SHC3: variants seen among roughly 807,000 people sequenced by gnomAD.
SHC3 encodes the protein SHC-transforming protein 3.
In SHC3, 15 loss-of-function variants were observed where a neutral mutation model predicts 60.4. That is an observed-to-expected ratio of 0.25 (90% CI 0.17 to 0.38). The LOEUF is 0.38. Among genes scored for constraint, SHC3 ranks in the 10% least tolerant of loss-of-function variants. The probability of loss-of-function intolerance (pLI) is 1.00; values close to 1 mark genes in which losing one functional copy is unlikely to be tolerated. For missense variants in SHC3, 677 were observed against 786.1 expected (o/e 0.86, Z 1.66); for synonymous variants, 294 against 325.9 (o/e 0.90, Z 1.05).
intron 1 of SHC3, among the ~76,000 whole-genome samples, chr9:89,171,326 G>A (rs947084700): frequency 6.6e-6 from 1 of 152,076 alleles, no homozygotes; most frequent in African/African-American, 2.4e-5. Context: ...ACTATTGTCA[G>A]TAGATTGCCA....
At chr9:89,149,226 C>T (rs1826511854) in intron 1 of SHC3, among the ~76,000 whole-genome samples, 1 of 152,182 alleles carries the variant, frequency 6.6e-6, no homozygotes. Context: ...CACCAATTTA[C>T]ACATCCACTC....
At chr9:89,102,362 T>A (rs553835431) in intron 2 of SHC3, among the ~76,000 whole-genome samples, 2 of 152,158 alleles carry the variant, frequency 1.3e-5, no homozygotes, top group Non-Finnish European at 2.9e-5. Flanking sequence ...ATAAAACTTA[T>A]GAAAAAAACA....
intron 1 of SHC3, among the ~76,000 whole-genome samples, chr9:89,162,538 A>C (rs1826724083): frequency 6.6e-6 from 1 of 152,230 alleles, no homozygotes. Context: ...CTGGCTAGCC[A>C]TATGTAGAAA....
chr9:89,147,625 A>G lies in SHC3; in HGVS notation c.474+30362T>C, dbSNP rs527729937. On this transcript the variant is annotated intron_variant, in intron 1 of 11. Transcript: ENST00000375835. ...GTAAAAACCTTTCTGATCTTGAAAT[A>G]GAACGCTCTGTGTCCTGTTAACATT... is the stretch of plus-strand genomic sequence containing the variant. Among the ~76,000 whole-genome samples the G allele has an allele frequency of 2.6e-5, 4 of 152,292 alleles. No homozygotes were observed. In the South Asian group the frequency reaches 6.2e-4, roughly 24 times the overall value.
chr9:89,086,513 C>A (rs889960025), intron 2 of SHC3, among the ~76,000 whole-genome samples: 1 of 152,204 alleles, frequency 6.6e-6, no homozygotes, highest in Non-Finnish European at 1.5e-5. Flanking sequence ...CAGGATGTGA[C>A]GCCCTAGAGA....
intron 11 of SHC3, among the ~76,000 whole-genome samples, chr9:89,026,267 A>ACC (rs1564081466): frequency 1.3e-5 from 2 of 151,790 alleles, no homozygotes; most frequent in Admixed American, 6.6e-5. Context: ...AAAAAAAAAA[A>ACC]AAAAAAACAA....
At chr9:89,054,227 AG>A (rs751801720) in intron 6 of SHC3, among the ~76,000 whole-genome samples, 1 of 152,160 alleles carries the variant, frequency 6.6e-6, no homozygotes, top group African/African-American at 2.4e-5. Context: ...TTGAGGTAAA[AG>A]CACTCTAGCA....
intron 11 of SHC3, among the ~76,000 whole-genome samples, chr9:89,024,370 T>C (rs554577515): frequency 6.6e-6 from 1 of 152,190 alleles, no homozygotes; most frequent in Non-Finnish European, 1.5e-5. Context: ...CTCAAACCCC[T>C]GGGCTCAAGC....
At chr9:89,111,705 A>G (rs1825949428) in intron 2 of SHC3, among the ~76,000 whole-genome samples, 1 of 152,234 alleles carries the variant, frequency 6.6e-6, no homozygotes, top group Non-Finnish European at 1.5e-5. Flanking sequence ...TAATGACTAA[A>G]CCAGTTGCTT....
intron 11 of SHC3, among the ~76,000 whole-genome samples, chr9:89,035,269 G>A (rs1257298828): frequency 6.6e-6 from 1 of 152,112 alleles, no homozygotes; most frequent in Admixed American, 6.5e-5. Flanking sequence ...AAAAATGTCT[G>A]TTCTTCTTCA....
At chr9:89,124,601 A>G (rs1312029380) in intron 1 of SHC3, among the ~76,000 whole-genome samples, 2 of 152,096 alleles carry the variant, frequency 1.3e-5, no homozygotes, top group Non-Finnish European at 2.9e-5. Context: ...AAAACCAAAC[A>G]CTGCACGTTC....
intron 10 of SHC3, among the ~76,000 whole-genome samples, chr9:89,040,867 T>C (rs1824676935): frequency 6.6e-6 from 1 of 152,212 alleles, no homozygotes; most frequent in Non-Finnish European, 1.5e-5. Flanking sequence ...AGAAACAGTG[T>C]TGTTTTCATG....
chr9:89,073,798 C>T (rs117120668), intron 4 of SHC3, among the ~76,000 whole-genome samples: 3,336 of 152,230 alleles, frequency 0.022, 57 homozygotes, highest in Middle Eastern at 0.061. Context: ...AGTCTGAGGA[C>T]CAAATAAAAG....
In SHC3 at chr9:89,007,252, ACT is replaced by A. The variant is rs1358890130; in HGVS notation, c.*6193_*6194del. The A allele has an allele frequency of 6.6e-6, 1 of 151,936 alleles. No homozygotes were observed. The highest frequency in any genetic ancestry group is 1.9e-4 in the East Asian group (1 of 5,192). The allele number at this position is 151,936 out of a possible 1,614,324, so 9.4% of individuals were successfully genotyped here. A position where few individuals can be genotyped will look rare whatever the true frequency, so the allele number is the denominator to read the frequency against. ...TCCACCCCCATCCTGAGCCTTCCAC[ACT>A]CTTCTCCGTGCCACTAACACTCAGT... On this transcript the variant is annotated 3_prime_UTR_variant, in exon 12 of 12. Transcript: ENST00000375835.
At chr9:89,081,745 A>G (rs1825447658) in intron 2 of SHC3, among the ~76,000 whole-genome samples, 1 of 152,126 alleles carries the variant, frequency 6.6e-6, no homozygotes, top group Non-Finnish European at 1.5e-5. Context: ...AACCCTATTT[A>G]TCTATTTTTA....
At chr9:89,093,378 G>C (rs1825653991) in intron 2 of SHC3, among the ~76,000 whole-genome samples, 1 of 152,190 alleles carries the variant, frequency 6.6e-6, no homozygotes, top group African/African-American at 2.4e-5. Flanking sequence ...CTGAAAAAGG[G>C]CACAAGAGAT....
Position 89,019,546 on chromosome 9 carries a change from A to T in SHC3, c.1657-5971T>A, listed in dbSNP as rs1587676567. Among the ~76,000 whole-genome samples, 5 of 152,356 alleles carry T rather than the reference A, an allele frequency of 3.3e-5. No individual in the cohort carries two copies. The South Asian group carries it at 1.0e-3, about 32-fold the overall frequency. ...AAAAAATCTCCTTGAACTAATTGTG[A>T]TTATAGTAAGGTTGCAGGACATAAG... On this transcript the variant is annotated intron_variant, in intron 11 of 11. Transcript: ENST00000375835.
At chr9:89,150,056 G>C (rs1253221674) in intron 1 of SHC3, among the ~76,000 whole-genome samples, 1 of 152,198 alleles carries the variant, frequency 6.6e-6, no homozygotes, top group Non-Finnish European at 1.5e-5. Flanking sequence ...TAAAGTGCAA[G>C]AGTAGTGATG....
At chr9:89,019,662 C>T (rs928272923) in intron 11 of SHC3, among the ~76,000 whole-genome samples, 6 of 152,046 alleles carry the variant, frequency 3.9e-5, no homozygotes, top group Non-Finnish European at 5.9e-5. Context: ...TACATTGGCA[C>T]CCCTGAAAAT....
Sources: gnomAD v4.1 joint callset for allele counts (sites outside exome capture counted in the v4.1 genomes callset) on GRCh38, gnomAD v4.1.1 for gene constraint, MANE v1.5 for transcripts, NCBI Gene and HGNC (gene_info 2026-07-23, HGNC 2026-07-21) for gene names.